Variants in PDE1A observed in about 807,000 individuals in gnomAD.
PDE1A encodes phosphodiesterase 1A.
PDE1A carries 35 observed loss-of-function variants against 61.7 expected under a neutral mutation model. That is an observed-to-expected ratio of 0.57 (90% CI 0.43 to 0.75). The LOEUF (loss-of-function observed/expected upper bound fraction) is 0.75, where lower values mean the gene tolerates loss of function less well. PDE1A is among the 30% of genes least tolerant of loss of function. The pLI is 0.00. For missense variants in PDE1A, 597 were observed against 630.6 expected, an observed-to-expected ratio of 0.95 and a Z score of 0.57; for synonymous variants, 232 against 213.2, an observed-to-expected ratio of 1.09 and a Z score of -0.77.
intron 10 of PDE1A, among the ~76,000 whole-genome samples, chr2:182,191,917 G>C (rs532584346): frequency 1.3e-5 from 2 of 151,080 alleles, no homozygotes; most frequent in African/African-American, 2.4e-5. Flanking sequence ...GTGCAATGGC[G>C]CAATCTTGGT....
chr2:182,498,267 T>C (rs1559515931), intron 2 of PDE1A, among the ~76,000 whole-genome samples: 1 of 152,026 alleles, frequency 6.6e-6, no homozygotes. Flanking sequence ...TCTATTCATA[T>C]AGAAGAAGAA....
At chr2:182,144,878 C>T (rs1016726641), downstream of PDE1A, among the ~76,000 whole-genome samples, 3 of 152,216 alleles carry the variant, frequency 2.0e-5, no homozygotes, top group Non-Finnish European at 4.4e-5. Flanking sequence ...GCTGGCAACA[C>T]TGGGCCCTTA....
At chr2:182,201,157 C>T (rs533513305) in intron 10 of PDE1A, among the ~76,000 whole-genome samples, 6 of 152,130 alleles carry the variant, frequency 3.9e-5, no homozygotes, top group South Asian at 4.1e-4. Context: ...GTGGCACTTA[C>T]GTCTTAACAG....
intron 1 of PDE1A, among the ~76,000 whole-genome samples, chr2:182,343,305 G>C (rs1698314841): frequency 6.6e-6 from 1 of 152,196 alleles, no homozygotes; most frequent in Non-Finnish European, 1.5e-5. Flanking sequence ...CTATAAATTA[G>C]AGTTAATAGT....
intron 1 of PDE1A, among the ~76,000 whole-genome samples, chr2:182,276,101 C>T (rs1272874314): frequency 1.3e-5 from 2 of 152,052 alleles, no homozygotes; most frequent in Non-Finnish European, 2.9e-5. Context: ...TTCCTTCCTT[C>T]CTTTCTCCCA....
At chr2:182,311,705 A>C (rs984017795) in intron 1 of PDE1A, among the ~76,000 whole-genome samples, 1 of 152,080 alleles carries the variant, frequency 6.6e-6, no homozygotes, top group African/African-American at 2.4e-5. Flanking sequence ...GATGAGCCAC[A>C]ATTTGTTTAT....
chr2:182,442,802 AT>A (rs1414188488), intron 2 of PDE1A, among the ~76,000 whole-genome samples: 1 of 152,092 alleles, frequency 6.6e-6, no homozygotes, highest in Non-Finnish European at 1.5e-5. Flanking sequence ...GTCAAAGGAA[AT>A]GTATAATTTA....
chr2:182,164,748 C>T (rs549229293), downstream of PDE1A, among the ~76,000 whole-genome samples: 1 of 152,212 alleles, frequency 6.6e-6, no homozygotes, highest in South Asian at 2.1e-4. Flanking sequence ...GGCACCATTC[C>T]CCAGGGCAGA....
At chr2:182,172,595 A>C (rs1692331322) in intron 13 of PDE1A, among the ~76,000 whole-genome samples, 1 of 152,038 alleles carries the variant, frequency 6.6e-6, no homozygotes, top group Non-Finnish European at 1.5e-5. Context: ...TAATTTGGGT[A>C]GGCCTCCTGC....
the PDE1A span, among the ~76,000 whole-genome samples, chr2:182,637,737 G>A: frequency 6.6e-6 from 1 of 151,880 alleles, no homozygotes; most frequent in Non-Finnish European, 1.5e-5. Flanking sequence ...GGCTCCCAAC[G>A]TGATGAAACC....
the PDE1A span, among the ~76,000 whole-genome samples, chr2:182,690,422 CA>C: frequency 6.6e-6 from 1 of 152,088 alleles, no homozygotes; most frequent in African/African-American, 2.4e-5. Context: ...GAACCAGAGA[CA>C]AAAACCACAT....
the PDE1A span, among the ~76,000 whole-genome samples, chr2:182,610,814 C>T: frequency 6.6e-6 from 1 of 151,552 alleles, no homozygotes; most frequent in African/African-American, 2.4e-5. Flanking sequence ...ATTAAGTATC[C>T]TAAAAACAAG....
At chr2:182,201,884 T>A in intron 8 of PDE1A, 95 bp from the exon 9 acceptor site, 1 of 754,652 alleles carries the variant, frequency 1.3e-6, no homozygotes, top group Non-Finnish European at 2.2e-6. Context: ...GTTTTATAGT[T>A]CTTAATGGAT....
At chr2:182,294,741 A>T (rs891164504) in intron 1 of PDE1A, among the ~76,000 whole-genome samples, 1 of 152,160 alleles carries the variant, frequency 6.6e-6, no homozygotes, top group African/African-American at 2.4e-5. Context: ...GGACCAATAG[A>T]CTTTCTGTTT....
the PDE1A span, among the ~76,000 whole-genome samples, chr2:182,644,375 A>G: frequency 7.6e-3 from 1,137 of 150,582 alleles, 16 homozygotes; most frequent in African/African-American, 0.026. Flanking sequence ...GGAGTTTGGG[A>G]TGGTGGTTTC....
chr2:182,639,992 A>G, the PDE1A span, among the ~76,000 whole-genome samples: 9 of 152,124 alleles, frequency 5.9e-5, no homozygotes, highest in Admixed American at 3.3e-4. Flanking sequence ...TGTTAAAAAA[A>G]ATGGTGAAGT....
At chr2:182,288,282 G>A (rs1694298376) in intron 1 of PDE1A, among the ~76,000 whole-genome samples, 1 of 152,062 alleles carries the variant, frequency 6.6e-6, no homozygotes, top group Non-Finnish European at 1.5e-5. Context: ...GGCCTAAAGA[G>A]GTCAAATTAC....
At chr2:182,373,933 G>C (rs1273115437) in intron 1 of PDE1A, among the ~76,000 whole-genome samples, 1 of 151,624 alleles carries the variant, frequency 6.6e-6, no homozygotes, top group African/African-American at 2.4e-5. Context: ...TGTTGTAAAG[G>C]GACTAAAAAG....
rs747696214 is a variant in PDE1A, at chr2:182,201,468, T to C, written c.1096A>G (p.Met366Val). Residue 366 changes from methionine (M) to valine (V), a missense_variant, in exon 10 of 14, where the codon ATG becomes GTG. Transcript: ENST00000351439. ...AGGAAAAACTCCTCCATTAGGGCCATGGTCCACCGATAATGCAGCTTCCAG... is the reference window on the plus strand; with the variant it reads ...AGGAAAAACTCCTCCATTAGGGCCACGGTCCACCGATAATGCAGCTTCCAG... The C allele has an allele frequency of 4.3e-6, 7 of 1,613,916 alleles. No homozygotes were observed. In the East Asian group the frequency reaches 1.3e-4, roughly 31 times the overall value.
Sources: allele counts gnomAD v4.1 joint callset (sites outside exome capture counted in the v4.1 genomes callset), GRCh38; gene constraint gnomAD v4.1.1; transcripts MANE v1.5; gene names NCBI Gene and HGNC (gene_info 2026-07-23, HGNC 2026-07-21).